Variants in UIMC1 observed in about 807,000 individuals in gnomAD.
UIMC1 encodes ubiquitin interaction motif containing 1.
A neutral mutation model predicts 84.9 loss-of-function variants in UIMC1; 42 were observed. That is an observed-to-expected ratio of 0.49 (90% CI 0.39 to 0.64). UIMC1 has a LOEUF of 0.64. Ranked by LOEUF, UIMC1 falls within the 30% of genes least tolerant of loss-of-function variation. The probability of loss-of-function intolerance (pLI) is 0.00; values close to 1 mark genes in which losing one functional copy is unlikely to be tolerated. For missense variants in UIMC1, 825 were observed against 847.6 expected (o/e 0.97, Z 0.33); for synonymous variants, 281 against 293.0 (o/e 0.96, Z 0.42).
rs1183496806 is a variant in UIMC1, at chr5:176,923,914, CACACACACACACAG to C, written c.1598-12539_1598-12526del. ...ACACACACACAGACACACACACACA[CACACACACACACAG>C]ACACACACACATTATCAGGGATAAA... On this transcript the variant is annotated intron_variant, in intron 10 of 14. Coordinates refer to ENST00000511320, the MANE Select transcript of UIMC1 (RefSeq NM_001199298.2). 4.9e-3 allele frequency among the ~76,000 whole-genome samples: 734 copies of C among 151,270 alleles called. 8 individuals are homozygous for C. The highest frequency in any genetic ancestry group is 0.014 in the African/African-American group (595 of 41,162).
intron 1 of UIMC1, among the ~76,000 whole-genome samples, chr5:177,020,268 C>G (rs1775759536): frequency 6.6e-6 from 1 of 152,178 alleles, no homozygotes; most frequent in African/African-American, 2.4e-5. Context: ...CTAGAACACT[C>G]TTGCCCAGCT....
intron 1 of UIMC1, among the ~76,000 whole-genome samples, chr5:177,013,176 A>T (rs1348194770): frequency 6.6e-6 from 1 of 152,040 alleles, no homozygotes; most frequent in Non-Finnish European, 1.5e-5. Flanking sequence ...GTTCGAGACC[A>T]GCCTGGCCCA....
intron 3 of UIMC1, among the ~76,000 whole-genome samples, chr5:176,974,822 A>G (rs1299939922): frequency 6.6e-6 from 1 of 152,108 alleles, no homozygotes; most frequent in Non-Finnish European, 1.5e-5. Flanking sequence ...TCAAAAAAAA[A>G]AATAAAAAGG....
At chr5:176,934,762 A>G (rs1285758457) in intron 10 of UIMC1, among the ~76,000 whole-genome samples, 5 of 152,234 alleles carry the variant, frequency 3.3e-5, no homozygotes, top group Non-Finnish European at 7.3e-5. Context: ...TCAATCAAGA[A>G]AGGCCTATCA....
intron 10 of UIMC1, among the ~76,000 whole-genome samples, chr5:176,923,903 AC>A (rs1762049853): frequency 1.7e-5 from 1 of 60,584 alleles, no homozygotes; most frequent in Non-Finnish European, 2.9e-5. Context: ...ACACACAGAC[AC>A]ACACACACAC....
chr5:176,986,558 G>T lies in UIMC1; in HGVS notation c.-8-3935C>A, dbSNP rs6867605. Reference sequence around the variant, plus strand: ...GTCTCCAAAAAAAAAAAAAAAAAAAGGCTGGGCACACTGGCTCACACCTAT... The same window carrying T: ...GTCTCCAAAAAAAAAAAAAAAAAAATGCTGGGCACACTGGCTCACACCTAT... On this transcript the variant is annotated intron_variant, in intron 1 of 14. Coordinates refer to ENST00000511320, the MANE Select transcript of UIMC1 (RefSeq NM_001199298.2). Among the ~76,000 whole-genome samples the T allele has an allele frequency of 3.2e-4, 33 of 103,796 alleles. 1 individual carries two copies. Among genetic ancestry groups the T allele is most frequent in the African/African-American group, 1.2e-3 (33 of 27,256 alleles). The allele number at this position is 103,796 out of a possible 152,430, so 68.1% of individuals were successfully genotyped here.
At chr5:177,011,877 C>T (rs192558308) in intron 1 of UIMC1, among the ~76,000 whole-genome samples, 8 of 151,958 alleles carry the variant, frequency 5.3e-5, no homozygotes, top group Admixed American at 3.9e-4. Context: ...CTCAGCTCAC[C>T]GCAAGCTCTG....
chr5:176,946,004 G>A (rs1376957822), intron 9 of UIMC1, among the ~76,000 whole-genome samples: 1 of 152,134 alleles, frequency 6.6e-6, no homozygotes, highest in African/African-American at 2.4e-5. Context: ...CAAATGTTAT[G>A]TTAAAGAATT....
intron 3 of UIMC1, among the ~76,000 whole-genome samples, chr5:176,974,439 C>T (rs2149491164): frequency 6.6e-6 from 1 of 152,122 alleles, no homozygotes; most frequent in South Asian, 2.1e-4. Flanking sequence ...TATAAAATTT[C>T]CAGAAGAAAA....
chr5:176,955,211 T>C (rs1330020830), intron 8 of UIMC1, among the ~76,000 whole-genome samples: 2 of 152,240 alleles, frequency 1.3e-5, no homozygotes, highest in Non-Finnish European at 2.9e-5. Context: ...TTATTTTGTA[T>C]ATCTAAATCT....
chr5:176,972,227 C>T (rs1195261751), intron 3 of UIMC1, among the ~76,000 whole-genome samples: 6 of 150,596 alleles, frequency 4.0e-5, no homozygotes, highest in South Asian at 2.1e-4. Flanking sequence ...GGTGAAACCC[C>T]GTCTCTACTA....
intron 1 of UIMC1, among the ~76,000 whole-genome samples, chr5:176,986,538 C>CA (rs34922824): frequency 0.35 from 27,807 of 79,150 alleles, 5,521 homozygotes; most frequent in East Asian, 0.54. Context: ...ACCCTGTCTC[C>CA]AAAAAAAAAA....
At chr5:176,955,828 G>A in intron 8 of UIMC1, 131 bp downstream of exon 8, 3 of 743,162 alleles carry the variant, frequency 4.0e-6, no homozygotes, top group Admixed American at 2.8e-5. Flanking sequence ...CGAGTGTTGA[G>A]ACATGTACAT....
At chr5:176,987,452 C>T (rs1772198315) in intron 1 of UIMC1, among the ~76,000 whole-genome samples, 1 of 151,808 alleles carries the variant, frequency 6.6e-6, no homozygotes, top group Admixed American at 6.6e-5. Context: ...TTGAGACCAG[C>T]CTGGCCAACA....
intron 3 of UIMC1, among the ~76,000 whole-genome samples, chr5:176,973,039 C>T (rs1054719399): frequency 6.6e-5 from 10 of 151,702 alleles, no homozygotes; most frequent in African/African-American, 2.4e-4. Context: ...CCTCAGCCTC[C>T]GAAGTAGTTG....
intron 6 of UIMC1, among the ~76,000 whole-genome samples, chr5:176,963,157 T>TAAAAAAAAA (rs70991588): frequency 7.2e-5 from 1 of 13,984 alleles, no homozygotes; most frequent in Non-Finnish European, 1.1e-4. Context: ...AAAAATAAAT[T>TAAAAAAAAA]AAAAAAAAAA....
intron 1 of UIMC1, among the ~76,000 whole-genome samples, chr5:176,998,875 T>C (rs768562147): frequency 2.1e-4 from 32 of 152,134 alleles, no homozygotes; most frequent in Non-Finnish European, 4.4e-4. Flanking sequence ...CCTACAAGTC[T>C]GCGCTCATTT....
At position 176,966,920 on chromosome 5, in the gene UIMC1, T is replaced by TA. The variant is rs750199377; in HGVS notation, c.1200+1634dup. On this transcript the variant is annotated intron_variant, in intron 6 of 14. Coordinates refer to ENST00000511320, the MANE Select transcript of UIMC1 (RefSeq NM_001199298.2). ...CAGAAAAGGAAATACAAATGGGTCTTAGACATGTGAGAAAAAAGTTCAGCC... is the reference window on the plus strand; with the variant it reads ...CAGAAAAGGAAATACAAATGGGTCTTAAGACATGTGAGAAAAAAGTTCAGCC... 5.9e-5 allele frequency among the ~76,000 whole-genome samples: 9 copies of TA among 152,292 alleles called. No homozygotes were observed. In the East Asian group the frequency reaches 9.6e-4, roughly 16 times the overall value.
chr5:176,954,570 A>C (rs1766337244), intron 8 of UIMC1, among the ~76,000 whole-genome samples: 1 of 151,844 alleles, frequency 6.6e-6, no homozygotes, highest in Non-Finnish European at 1.5e-5. Context: ...CCTCGTCTCT[A>C]CTAAAAAAAA....
Sources: gnomAD v4.1 joint callset for allele counts (sites outside exome capture counted in the v4.1 genomes callset) on GRCh38, gnomAD v4.1.1 for gene constraint, MANE v1.5 for transcripts, NCBI Gene and HGNC (gene_info 2026-07-23, HGNC 2026-07-21) for gene names.